The following VDAC1 variants were observed in gnomAD, a reference collection of about 807,000 sequenced individuals.
The protein encoded by VDAC1 is voltage dependent anion channel 1.
VDAC1 carries 10 observed loss-of-function variants against 34.7 expected under a neutral mutation model. That is an observed-to-expected ratio of 0.29 (90% CI 0.18 to 0.49). The LOEUF (loss-of-function observed/expected upper bound fraction) is 0.49. Among genes scored for constraint, VDAC1 ranks in the 20% least tolerant of loss-of-function variants. VDAC1 has a pLI of 0.99. For synonymous variants in VDAC1, 130 were observed against 136.0 expected, an observed-to-expected ratio of 0.96 and a Z score of 0.30; for missense variants, 230 against 347.9, an observed-to-expected ratio of 0.66 and a Z score of 2.69.
At chr5:134,085,605 G>A in the VDAC1 span, among the ~76,000 whole-genome samples, 13 of 151,308 alleles carry the variant, frequency 8.6e-5, no homozygotes, top group Admixed American at 4.0e-4. Context: ...CATCCCCACA[G>A]GGCCAGGCGC....
chr5:133,995,107 C>T (rs1025410931), intron 1 of VDAC1, among the ~76,000 whole-genome samples: 1 of 152,208 alleles, frequency 6.6e-6, no homozygotes, highest in Non-Finnish European at 1.5e-5. Context: ...TCAAAAAACA[C>T]CCCACCCACA....
the VDAC1 span, among the ~76,000 whole-genome samples, chr5:134,038,136 A>C: frequency 6.6e-6 from 1 of 152,186 alleles, no homozygotes; most frequent in African/African-American, 2.4e-5. Flanking sequence ...ACAAGCACAT[A>C]AACAATACAA....
chr5:134,108,813 G>A, the VDAC1 span, among the ~76,000 whole-genome samples: 2 of 152,132 alleles, frequency 1.3e-5, no homozygotes, highest in Non-Finnish European at 1.5e-5. Flanking sequence ...AGTTCACCTA[G>A]GTCCCAGGGA....
Position 133,980,670 on chromosome 5 carries a change from C to T in VDAC1, c.551+59G>A, listed in dbSNP as rs149459850. The T allele has an allele frequency of 4.6e-3, 4,220 of 912,410 alleles. 33 individuals are homozygous for T. Among genetic ancestry groups the T allele is most frequent in the Middle Eastern group, 0.01 (38 of 3,632 alleles). The allele number at this position is 912,410 out of a possible 1,614,324, so 56.5% of individuals were successfully genotyped here. A position where few individuals can be genotyped will look rare whatever the true frequency, so the allele number is the denominator to read the frequency against. On this transcript the variant is annotated intron_variant, in intron 6 of 8. Transcript: ENST00000265333. Reference sequence around the variant, plus strand: ...AAAAAAAAACAGTGAAAAGCAATCCCCTTACCACACATGCTCCAACCCCAC... The same window carrying T: ...AAAAAAAAACAGTGAAAAGCAATCCTCTTACCACACATGCTCCAACCCCAC...
At chr5:134,070,266 C>T in the VDAC1 span, among the ~76,000 whole-genome samples, 2,603 of 152,170 alleles carry the variant, frequency 0.017, 35 homozygotes, top group South Asian at 0.04. Flanking sequence ...CTCAGCCTCC[C>T]GAGTAGCTGG....
At chr5:134,040,965 T>C in the VDAC1 span, among the ~76,000 whole-genome samples, 1 of 152,230 alleles carries the variant, frequency 6.6e-6, no homozygotes, top group African/African-American at 2.4e-5. Flanking sequence ...GAAGAGAATC[T>C]GTAGCTTTCA....
At chr5:134,023,814 C>A in the VDAC1 span, among the ~76,000 whole-genome samples, 3 of 151,954 alleles carry the variant, frequency 2.0e-5, no homozygotes, top group Non-Finnish European at 4.4e-5. Context: ...GAAGGCCTCT[C>A]CAAAGAGGTG....
chr5:133,997,581 G>C (rs1287857841), intron 1 of VDAC1, among the ~76,000 whole-genome samples: 1 of 151,562 alleles, frequency 6.6e-6, no homozygotes, highest in Admixed American at 6.6e-5. Flanking sequence ...AGGTGTGATG[G>C]TGCACGCCTG....
chr5:134,027,603 G>A, the VDAC1 span, among the ~76,000 whole-genome samples: 2 of 152,110 alleles, frequency 1.3e-5, no homozygotes, highest in African/African-American at 4.8e-5. Flanking sequence ...GGTGACTGCT[G>A]AGCTAAGGTC....
the VDAC1 span, among the ~76,000 whole-genome samples, chr5:134,084,327 G>A: frequency 1.3e-5 from 2 of 152,258 alleles, no homozygotes; most frequent in Admixed American, 1.3e-4. Context: ...AGGGGCCTCC[G>A]GGAGCAGCTC....
chr5:134,014,213 C>T, the VDAC1 span, among the ~76,000 whole-genome samples: 3 of 151,038 alleles, frequency 2.0e-5, no homozygotes, highest in East Asian at 2.0e-4. Flanking sequence ...CACTTGAATC[C>T]GGGGCGGTGG....
chr5:134,000,203 T>C (rs1753490273), intron 1 of VDAC1, among the ~76,000 whole-genome samples: 1 of 152,228 alleles, frequency 6.6e-6, no homozygotes, highest in Non-Finnish European at 1.5e-5. Flanking sequence ...TCCAGGATGC[T>C]GGCAAAGGCT....
the VDAC1 span, among the ~76,000 whole-genome samples, chr5:134,072,551 G>C: frequency 6.6e-6 from 1 of 152,222 alleles, no homozygotes; most frequent in South Asian, 2.1e-4. Context: ...AAAGGACCAG[G>C]AGTTCTGTGA....
At chr5:134,021,876 ATTT>A in the VDAC1 span, among the ~76,000 whole-genome samples, 2 of 133,228 alleles carry the variant, frequency 1.5e-5, no homozygotes, top group African/African-American at 2.8e-5. Flanking sequence ...AAAGCCTGTG[ATTT>A]TTTTTTTTTT....
chr5:134,030,939 A>G, the VDAC1 span, among the ~76,000 whole-genome samples: 1 of 152,004 alleles, frequency 6.6e-6, no homozygotes, highest in African/African-American at 2.4e-5. Flanking sequence ...TTTGTGCTAG[A>G]ATCATGAATT....
At chr5:134,062,276 T>G in the VDAC1 span, among the ~76,000 whole-genome samples, 2 of 151,694 alleles carry the variant, frequency 1.3e-5, no homozygotes, top group Admixed American at 1.3e-4. Context: ...TGAGCCACTT[T>G]GCCTGGCTGG....
At chr5:134,051,206 G>C in the VDAC1 span, among the ~76,000 whole-genome samples, 8,588 of 152,226 alleles carry the variant, frequency 0.056, 398 homozygotes, top group African/African-American at 0.13. Context: ...CAGGAGCCAG[G>C]GGGGCCAGGC....
the VDAC1 span, among the ~76,000 whole-genome samples, chr5:134,102,104 T>G: frequency 9.7e-4 from 147 of 152,202 alleles, no homozygotes; most frequent in Admixed American, 3.1e-3. Flanking sequence ...GGTCCAAACA[T>G]CACCCTGGTT....
the VDAC1 span, among the ~76,000 whole-genome samples, chr5:134,013,926 A>C: frequency 1.7e-4 from 26 of 151,700 alleles, no homozygotes; most frequent in Admixed American, 1.1e-3. Flanking sequence ...TGGGTGACAG[A>C]GTGAGACTCC....
Sources: allele counts gnomAD v4.1 joint callset (sites outside exome capture counted in the v4.1 genomes callset), GRCh38; gene constraint gnomAD v4.1.1; transcripts MANE v1.5; gene names NCBI Gene and HGNC (gene_info 2026-07-23, HGNC 2026-07-21).